INPP4B: variants seen among roughly 807,000 people sequenced by gnomAD.
INPP4B encodes inositol polyphosphate-4-phosphatase type II B, also known as inositol polyphosphate 4-phosphatase type II.
In INPP4B, 55 loss-of-function variants were observed where a neutral mutation model predicts 122.5. The observed-to-expected ratio is 0.45, with a 90% CI of 0.36 to 0.56. The LOEUF (loss-of-function observed/expected upper bound fraction) is 0.56, where lower values mean the gene tolerates loss of function less well. Among genes scored for constraint, INPP4B ranks in the 20% least tolerant of loss-of-function variants. INPP4B has a pLI of 0.00. For synonymous variants in INPP4B, 403 were observed against 388.7 expected, an observed-to-expected ratio of 1.04 and a Z score of -0.43; for missense variants, 1,000 against 1,097.7, an observed-to-expected ratio of 0.91 and a Z score of 1.26.
chr4:142,744,123 A>G (rs942065905), intron 1 of INPP4B, among the ~76,000 whole-genome samples: 19 of 151,954 alleles, frequency 1.3e-4, no homozygotes, highest in Non-Finnish European at 2.9e-5. Context: ...AAAGAAATGA[A>G]ATCTATTTTA....
intron 2 of INPP4B, among the ~76,000 whole-genome samples, chr4:142,522,695 C>T (rs1417265832): frequency 6.6e-6 from 1 of 152,012 alleles, no homozygotes; most frequent in Non-Finnish European, 1.5e-5. Flanking sequence ...CCTCAGGTGG[C>T]ATCTGAATAT....
chr4:142,686,361 T>C (rs73850554), intron 2 of INPP4B, among the ~76,000 whole-genome samples: 1 of 152,158 alleles, frequency 6.6e-6, no homozygotes, highest in African/African-American at 2.4e-5. Flanking sequence ...TGGTGGCATG[T>C]TGGGTCAAAG....
At chr4:142,569,621 G>A (rs1732386135) in intron 2 of INPP4B, among the ~76,000 whole-genome samples, 1 of 152,138 alleles carries the variant, frequency 6.6e-6, no homozygotes, top group South Asian at 2.1e-4. Context: ...TCTCTGCAAT[G>A]TAGTTGTAAA....
chr4:142,597,735 A>AT (rs990415286), intron 2 of INPP4B, among the ~76,000 whole-genome samples: 2 of 152,204 alleles, frequency 1.3e-5, no homozygotes, highest in Admixed American at 1.3e-4. Flanking sequence ...TAGAATATCT[A>AT]TTTATCTTTA....
intron 2 of INPP4B, among the ~76,000 whole-genome samples, chr4:142,643,002 T>A (rs1332914647): frequency 1.3e-5 from 2 of 152,200 alleles, no homozygotes; most frequent in Admixed American, 6.5e-5. Flanking sequence ...TAAGTTGGAT[T>A]CCTAGGTATT....
rs375882912 is a variant in INPP4B, at chr4:142,305,556, A to G, written c.424-19T>C. 1.2e-6 allele frequency: 2 copies of G among 1,603,476 alleles called. No individual in the cohort carries two copies. The highest frequency in any genetic ancestry group is 8.5e-7 in the Non-Finnish European group (1 of 1,174,298). ...AACTTCGCTGAAAATAACAGAAAGA[A>G]TGGTTTCATTAACTTGAGGTTCTTT... On this transcript the variant is annotated intron_variant, in intron 8 of 25. Transcript: ENST00000262992.
chr4:142,770,029 A>G (rs1772791892), intron 1 of INPP4B, among the ~76,000 whole-genome samples: 1 of 152,240 alleles, frequency 6.6e-6, no homozygotes, highest in South Asian at 2.1e-4. Flanking sequence ...AGAGGCTCAT[A>G]GAAAATGGGA....
intron 7 of INPP4B, among the ~76,000 whole-genome samples, chr4:142,390,924 A>G (rs1797471377): frequency 6.6e-6 from 1 of 152,154 alleles, no homozygotes; most frequent in East Asian, 1.9e-4. Context: ...GAAAGAATGG[A>G]AAGGACCCTG....
rs1359936625 is a variant in INPP4B, at chr4:142,567,886, A to G, written c.-190-105160T>C. Among the ~76,000 whole-genome samples the G allele has an allele frequency of 2.0e-5, 3 of 152,182 alleles. No homozygotes were observed. The South Asian group carries it at 6.2e-4, about 31-fold the overall frequency. On this transcript the variant is annotated intron_variant, in intron 2 of 25. Coordinates refer to ENST00000262992, the MANE Select transcript of INPP4B (RefSeq NM_001101669.3). ...TTTCCAATTCAAGTAGTCTCAAGGCATACTCTAGCTGCTTGCAATTAAAAC... is the reference window on the plus strand; with the variant it reads ...TTTCCAATTCAAGTAGTCTCAAGGCGTACTCTAGCTGCTTGCAATTAAAAC...
At chr4:142,825,991 G>A (rs567764395) in intron 1 of INPP4B, among the ~76,000 whole-genome samples, 2 of 152,144 alleles carry the variant, frequency 1.3e-5, no homozygotes, top group African/African-American at 4.8e-5. Context: ...CTTTTCACAT[G>A]TTCCTTTGTT....
At chr4:142,637,885 C>A (rs552117655) in intron 2 of INPP4B, among the ~76,000 whole-genome samples, 1 of 152,118 alleles carries the variant, frequency 6.6e-6, no homozygotes, top group Non-Finnish European at 1.5e-5. Flanking sequence ...TGGATTTGGG[C>A]CATTCAAAAA....
At chr4:142,586,865 T>C (rs140228740) in intron 2 of INPP4B, among the ~76,000 whole-genome samples, 203 of 152,140 alleles carry the variant, frequency 1.3e-3, no homozygotes, top group African/African-American at 4.7e-3. Context: ...GGCAAGTGAG[T>C]GTTACAAGTA....
intron 7 of INPP4B, among the ~76,000 whole-genome samples, chr4:142,371,251 C>T (rs1677944214): frequency 6.6e-6 from 1 of 152,050 alleles, no homozygotes. Flanking sequence ...ACCCCAATCT[C>T]TCACCATATA....
intron 2 of INPP4B, among the ~76,000 whole-genome samples, chr4:142,686,093 G>C (rs1007055042): frequency 6.6e-6 from 1 of 151,986 alleles, no homozygotes; most frequent in African/African-American, 2.4e-5. Flanking sequence ...GACTGCAAAG[G>C]CTTCAAAGAG....
intron 2 of INPP4B, among the ~76,000 whole-genome samples, chr4:142,639,241 T>C (rs756511586): frequency 6.6e-6 from 1 of 152,186 alleles, no homozygotes; most frequent in East Asian, 1.9e-4. Context: ...TTTTGTAATA[T>C]CTTTGGCTTT....
At chr4:142,282,012 C>T (rs1266838371) in intron 9 of INPP4B, among the ~76,000 whole-genome samples, 1 of 151,952 alleles carries the variant, frequency 6.6e-6, no homozygotes, top group East Asian at 1.9e-4. Flanking sequence ...TGTAACAGAA[C>T]AAAATTCTCT....
intron 11 of INPP4B, among the ~76,000 whole-genome samples, chr4:142,244,333 T>C (rs1306221752): frequency 8.0e-6 from 1 of 125,146 alleles, no homozygotes; most frequent in Non-Finnish European, 1.6e-5. Context: ...AGAGTCTTGC[T>C]CTCTTCCCCA....
chr4:142,526,012 TTGTC>T (rs1001889080), intron 2 of INPP4B, among the ~76,000 whole-genome samples: 1 of 152,052 alleles, frequency 6.6e-6, no homozygotes, highest in African/African-American at 2.4e-5. Context: ...GGAAGGTAAT[TTGTC>T]TGGCACGATT....
At chr4:142,506,349 C>A (rs1824025927) in intron 2 of INPP4B, among the ~76,000 whole-genome samples, 1 of 152,152 alleles carries the variant, frequency 6.6e-6, no homozygotes, top group South Asian at 2.1e-4. Flanking sequence ...TCCTTTCCTC[C>A]TTTCTTCCTC....
Sources: allele counts gnomAD v4.1 joint callset (sites outside exome capture counted in the v4.1 genomes callset), GRCh38; gene constraint gnomAD v4.1.1; transcripts MANE v1.5; gene names NCBI Gene and HGNC (gene_info 2026-07-23, HGNC 2026-07-21).